The following ARHGAP12 variants were observed in gnomAD, a reference collection of about 807,000 sequenced individuals.
ARHGAP12 encodes the protein rho GTPase-activating protein 12.
A neutral mutation model predicts 108.6 loss-of-function variants in ARHGAP12; 64 were observed. That is an observed-to-expected ratio of 0.59 (90% CI 0.48 to 0.73). ARHGAP12 has a LOEUF of 0.73. Among genes scored for constraint, ARHGAP12 ranks in the 30% least tolerant of loss-of-function variants. The pLI, the probability that ARHGAP12 is intolerant of heterozygous loss-of-function variation, is 0.00. For missense variants in ARHGAP12, 940 were observed against 1,005.9 expected (o/e 0.93, Z 0.89); for synonymous variants, 312 against 337.2 (o/e 0.93, Z 0.82).
At chr10:31,921,094 T>G (rs887108742) in intron 1 of ARHGAP12, among the ~76,000 whole-genome samples, 1 of 151,806 alleles carries the variant, frequency 6.6e-6, no homozygotes, top group Non-Finnish European at 1.5e-5. Context: ...CTGGTGAGTT[T>G]TGAACTCCTG....
chr10:31,816,412 T>C (rs1340676474), intron 13 of ARHGAP12, among the ~76,000 whole-genome samples: 3 of 152,188 alleles, frequency 2.0e-5, no homozygotes, highest in African/African-American at 4.8e-5. Context: ...TTAACTGTTA[T>C]CTGTCTTGAA....
intron 19 of ARHGAP12, among the ~76,000 whole-genome samples, chr10:31,808,240 AG>A (rs1174099297): frequency 6.6e-6 from 1 of 151,892 alleles, no homozygotes; most frequent in East Asian, 1.9e-4. Context: ...AACTCTCTCT[AG>A]CTGGGATTTT....
At chr10:31,868,342 T>C (rs1286449725) in intron 3 of ARHGAP12, among the ~76,000 whole-genome samples, 1 of 151,870 alleles carries the variant, frequency 6.6e-6, no homozygotes, top group Non-Finnish European at 1.5e-5. Context: ...ACATTATCAG[T>C]TTTCTCTGGA....
intron 4 of ARHGAP12, among the ~76,000 whole-genome samples, chr10:31,857,610 A>G (rs1836936227): frequency 6.6e-6 from 1 of 152,204 alleles, no homozygotes; most frequent in Non-Finnish European, 1.5e-5. Context: ...CAGAAAATAA[A>G]AAACCTTTAC....
At chr10:31,857,135 G>C (rs1469656966) in intron 4 of ARHGAP12, among the ~76,000 whole-genome samples, 1 of 152,126 alleles carries the variant, frequency 6.6e-6, no homozygotes, top group African/African-American at 2.4e-5. Flanking sequence ...ATACGCACAC[G>C]TGTGTATGTG....
intron 1 of ARHGAP12, among the ~76,000 whole-genome samples, chr10:31,917,268 C>T (rs552693107): frequency 2.0e-5 from 3 of 151,986 alleles, no homozygotes; most frequent in African/African-American, 4.8e-5. Context: ...ATTAGCCAGG[C>T]GTGGTAGCAC....
At position 31,908,311 on chromosome 10, in the gene ARHGAP12, C is replaced by A; in HGVS notation, c.545G>T (p.Gly182Val). ...TTTCTCTACATCCAAGAACTCTGGA[C>A]CGGGAAAATGACCAAATGAGCGTGT... ...NRTRSFGHFPGPEFLDVEKTS... is the reference protein window; with the variant it reads ...NRTRSFGHFPVPEFLDVEKTS... The change falls in exon 3 of 20, where the codon GGT becomes GTT. Residue 182 changes from glycine (G) to valine (V), a missense_variant. Transcript: ENST00000344936. 2 of 1,614,086 alleles carry A rather than the reference C, an allele frequency of 1.2e-6. No individual in the cohort carries two copies. The highest frequency in any genetic ancestry group is 1.7e-6 in the Non-Finnish European group (2 of 1,180,024).
At chr10:31,923,272 T>G (rs1431307105) in intron 1 of ARHGAP12, among the ~76,000 whole-genome samples, 1 of 151,036 alleles carries the variant, frequency 6.6e-6, no homozygotes, top group Non-Finnish European at 1.5e-5. Context: ...AAGAAAGAAA[T>G]GTCACCACAC....
At chr10:31,836,565 C>T (rs1457537533) in intron 9 of ARHGAP12, among the ~76,000 whole-genome samples, 2 of 120,396 alleles carry the variant, frequency 1.7e-5, no homozygotes, top group Non-Finnish European at 3.4e-5. Context: ...GAGCAATCTG[C>T]AGGGATTTTT....
At chr10:31,911,674 A>AC in intron 1 of ARHGAP12, among the ~76,000 whole-genome samples, 1 of 152,280 alleles carries the variant, frequency 6.6e-6, no homozygotes, top group Middle Eastern at 3.4e-3. Flanking sequence ...CATAAGCTTA[A>AC]CCAAATGATC....
intron 3 of ARHGAP12, among the ~76,000 whole-genome samples, chr10:31,888,793 G>C (rs1838284959): frequency 6.6e-6 from 1 of 151,992 alleles, no homozygotes; most frequent in Non-Finnish European, 1.5e-5. Flanking sequence ...AAAGCACACA[G>C]AGTTTAGGAA....
At chr10:31,815,107 T>G (rs370517021) in intron 13 of ARHGAP12, among the ~76,000 whole-genome samples, 1 of 116,112 alleles carries the variant, frequency 8.6e-6, no homozygotes, top group Non-Finnish European at 1.7e-5. Flanking sequence ...GGTGAGAAAG[T>G]AAGACTCTGT....
At chr10:31,880,823 T>TTGGGAGGCTGAGACAGCTTGAGCTC in intron 3 of ARHGAP12, among the ~76,000 whole-genome samples, 1 of 151,804 alleles carries the variant, frequency 6.6e-6, no homozygotes. Context: ...TCCCAGCACT[T>TTGGGAGGCTGAGACAGCTTGAGCTC]TGGGAGGCTG....
At chr10:31,814,679 C>A (rs1835137515) in intron 13 of ARHGAP12, among the ~76,000 whole-genome samples, 1 of 152,006 alleles carries the variant, frequency 6.6e-6, no homozygotes, top group Admixed American at 6.6e-5. Context: ...AAGGTTAAGG[C>A]TATAATCTAT....
At position 31,852,550 on chromosome 10, in the gene ARHGAP12, T is replaced by C. The variant is rs144448237; in HGVS notation, c.1137A>G (p.Ala379=). 3 of 1,613,372 alleles carry C rather than the reference T, an allele frequency of 1.9e-6. No individual in the cohort carries two copies. The highest frequency in any genetic ancestry group is 2.5e-6 in the Non-Finnish European group (3 of 1,179,516). The change falls in exon 6 of 20, where the codon GCA becomes GCG. Residue 379 remains alanine, a synonymous_variant. Coordinates refer to ENST00000344936, the MANE Select transcript of ARHGAP12 (RefSeq NM_018287.7). ...DDQGRQYYYS[A]DGSRSEWELP... ...ATTCCCATTCTGACCGAGATCCGTC[T>C]GCACTGTAGTAATATTGTCTACCTT... is the stretch of plus-strand genomic sequence containing the variant.
intron 6 of ARHGAP12, among the ~76,000 whole-genome samples, chr10:31,845,975 G>T (rs966361481): frequency 6.6e-6 from 1 of 151,892 alleles, no homozygotes; most frequent in Non-Finnish European, 1.5e-5. Context: ...CTTTCCTACC[G>T]TCCTGTGGGC....
In ARHGAP12 at chr10:31,856,992, T is replaced by A. The variant is rs533062329; in HGVS notation, c.949-2786A>T. Among the ~76,000 whole-genome samples the A allele has an allele frequency of 4.6e-5, 7 of 152,344 alleles. No homozygotes were observed. The East Asian group carries it at 1.3e-3, about 29-fold the overall frequency. ...TGTATGAAATAACATACTAATATTA[T>A]ATGTCTTGGGTATGATAAATGTATT... On this transcript the variant is annotated intron_variant, in intron 4 of 19. Transcript: ENST00000344936.
At chr10:31,862,631 T>C (rs1837157923) in intron 3 of ARHGAP12, among the ~76,000 whole-genome samples, 1 of 152,050 alleles carries the variant, frequency 6.6e-6, no homozygotes, top group Non-Finnish European at 1.5e-5. Flanking sequence ...GTAAGGGCTA[T>C]CCTCTGCACT....
intron 9 of ARHGAP12, among the ~76,000 whole-genome samples, chr10:31,834,662 C>T (rs1235009015): frequency 6.6e-6 from 1 of 152,112 alleles, no homozygotes; most frequent in African/African-American, 2.4e-5. Context: ...TAAGTTGGAA[C>T]CACATCTGTT....
Sources: allele counts gnomAD v4.1 joint callset (sites outside exome capture counted in the v4.1 genomes callset), GRCh38; gene constraint gnomAD v4.1.1; transcripts MANE v1.5; gene names NCBI Gene and HGNC (gene_info 2026-07-23, HGNC 2026-07-21).